MMP26: variants seen among roughly 807,000 people sequenced by gnomAD.
MMP26 encodes matrix metallopeptidase 26, also known as matrix metalloproteinase-26.
MMP26 carries 33 observed loss-of-function variants against 31.0 expected under a neutral mutation model. The ratio of observed to expected loss-of-function variants is 1.06; its 90% CI spans 0.81 to 1.42. The LOEUF (loss-of-function observed/expected upper bound fraction) is 1.42. Ranked by LOEUF, MMP26 falls within the 40% of genes most tolerant of loss-of-function variation. The pLI, the probability that MMP26 is intolerant of heterozygous loss-of-function variation, is 0.00. For missense variants in MMP26, 347 were observed against 316.1 expected (o/e 1.10, Z -0.74); for synonymous variants, 122 against 114.9 (o/e 1.06, Z -0.40).
intron 2 of MMP26, among the ~76,000 whole-genome samples, chr11:4,810,262 A>G (rs146259411): frequency 7.0e-4 from 105 of 150,706 alleles, no homozygotes; most frequent in African/African-American, 2.5e-3. Flanking sequence ...GAGTACATAT[A>G]TTTATAATTC....
intron 1 of MMP26, chr11:4,752,195 A>G (rs568941989): frequency 6.6e-6 from 1 of 152,344 alleles, no homozygotes; most frequent in African/African-American, 2.4e-5. Context: ...CAAATCTGTG[A>G]ACAAAGGACA....
chr11:4,910,270 A>T (rs932713450), intron 2 of MMP26, among the ~76,000 whole-genome samples: 1 of 152,016 alleles, frequency 6.6e-6, no homozygotes, highest in African/African-American at 2.4e-5. Context: ...CTATAGTCTC[A>T]TCTCTGACCA....
chr11:4,723,823 T>G, intron 1 of MMP26: 1 of 1,559,782 alleles, frequency 6.4e-7, no homozygotes, highest in South Asian at 1.1e-5. Flanking sequence ...CTCCAGCATC[T>G]TGTTATGCTG....
At chr11:4,860,568 G>GT (rs1564795838) in intron 2 of MMP26, 2 of 456,862 alleles carry the variant, frequency 4.4e-6, no homozygotes, top group Admixed American at 4.8e-5. Context: ...TCGTCATGTT[G>GT]TTCTCACCAT....
intron 2 of MMP26, among the ~76,000 whole-genome samples, chr11:4,940,213 T>G (rs2133599777): frequency 6.6e-6 from 1 of 152,274 alleles, no homozygotes; most frequent in African/African-American, 2.4e-5. Context: ...GTGCAGTGAC[T>G]TAAGGTAGAA....
chr11:4,800,081 G>A (rs181132665), intron 2 of MMP26, among the ~76,000 whole-genome samples: 198 of 152,304 alleles, frequency 1.3e-3, no homozygotes, highest in Non-Finnish European at 1.2e-3. Flanking sequence ...GATCTGGAGG[G>A]CAGTGGCCCC....
rs533091136 is a variant in MMP26, at chr11:4,967,579, C to T, written c.-144-20489C>T. Among the ~76,000 whole-genome samples the T allele has an allele frequency of 2.4e-4, 36 of 152,252 alleles. No individual in the cohort carries two copies. In the South Asian group the frequency reaches 5.6e-3, roughly 24 times the overall value. ...AGAAAGGGAACTTCTTTACTGGGAA[C>T]GGTGTAAGCCAGGTGTCAGGCTGTT... On this transcript the variant is annotated intron_variant, in intron 2 of 7. Coordinates refer to ENST00000380390, the MANE Select transcript of MMP26 (RefSeq NM_021801.5).
chr11:4,787,444 A>G (rs1228626519), intron 2 of MMP26: 12 of 152,228 alleles, frequency 7.9e-5, no homozygotes, highest in Admixed American at 7.9e-4. Flanking sequence ...ACTAAACATC[A>G]TCTCTTCAGA....
intron 2 of MMP26, among the ~76,000 whole-genome samples, chr11:4,783,835 C>A (rs1165232252): frequency 6.6e-6 from 1 of 152,194 alleles, no homozygotes; most frequent in Non-Finnish European, 1.5e-5. Flanking sequence ...GGCGCTCATT[C>A]TCTCTTTGCC....
intron 1 of MMP26, chr11:4,723,175 A>T: frequency 6.3e-7 from 1 of 1,594,412 alleles, no homozygotes; most frequent in South Asian, 1.1e-5. Flanking sequence ...GCTGCTCGGC[A>T]TCTGCGATGG....
intron 1 of MMP26, among the ~76,000 whole-genome samples, chr11:4,763,814 A>C (rs1158495585): frequency 1.3e-5 from 2 of 152,144 alleles, no homozygotes; most frequent in Non-Finnish European, 2.9e-5. Flanking sequence ...AATTCTCCTA[A>C]ATTGTCACAG....
At chr11:4,914,558 T>G (rs906767235) in intron 2 of MMP26, 24 of 582,840 alleles carry the variant, frequency 4.1e-5, no homozygotes, top group Middle Eastern at 2.6e-4. Flanking sequence ...CCCCCTGCCC[T>G]GGCCACAACA....
intron 2 of MMP26, among the ~76,000 whole-genome samples, chr11:4,874,095 T>C (rs1159369523): frequency 6.6e-6 from 1 of 152,066 alleles, no homozygotes; most frequent in Non-Finnish European, 1.5e-5. Context: ...GCAGCTCCAA[T>C]TGTTGAAGTT....
At chr11:4,810,090 G>T (rs528139281) in intron 2 of MMP26, among the ~76,000 whole-genome samples, 3 of 152,300 alleles carry the variant, frequency 2.0e-5, no homozygotes, top group Admixed American at 1.3e-4. Flanking sequence ...TTCCTTCTGA[G>T]ACTGGAGACT....
At chr11:4,757,672 A>G (rs1476641789) in intron 1 of MMP26, among the ~76,000 whole-genome samples, 1 of 152,004 alleles carries the variant, frequency 6.6e-6, no homozygotes, top group African/African-American at 2.4e-5. Context: ...ATATATAAAA[A>G]TGACTAACAA....
intron 2 of MMP26, among the ~76,000 whole-genome samples, chr11:4,829,227 T>C (rs544955629): frequency 1.1e-4 from 16 of 152,132 alleles, no homozygotes; most frequent in Non-Finnish European, 1.5e-4. Flanking sequence ...TCTTCAGCGG[T>C]GTTAAGCCAA....
intron 2 of MMP26, among the ~76,000 whole-genome samples, chr11:4,938,670 A>C (rs1035919458): frequency 2.0e-5 from 3 of 152,116 alleles, no homozygotes; most frequent in Non-Finnish European, 4.4e-5. Context: ...TTTTATAAAA[A>C]CTTCTTGAGC....
intron 2 of MMP26, among the ~76,000 whole-genome samples, chr11:4,892,728 T>A (rs1188842016): frequency 6.6e-6 from 1 of 152,198 alleles, no homozygotes; most frequent in African/African-American, 2.4e-5. Flanking sequence ...TATGAGGATG[T>A]TCTCTGATTT....
chr11:4,941,391 C>T (rs1015593443), intron 2 of MMP26, among the ~76,000 whole-genome samples: 1 of 152,184 alleles, frequency 6.6e-6, no homozygotes, highest in African/African-American at 2.4e-5. Context: ...TATGGATTTT[C>T]ACTTTTCACC....
Sources: allele counts gnomAD v4.1 joint callset (sites outside exome capture counted in the v4.1 genomes callset), GRCh38; gene constraint gnomAD v4.1.1; transcripts MANE v1.5; gene names NCBI Gene and HGNC (gene_info 2026-07-23, HGNC 2026-07-21).